The following PTPRK variants were observed in gnomAD, a reference collection of about 807,000 sequenced individuals.
PTPRK encodes the protein protein tyrosine phosphatase receptor type K.
Under a neutral mutation model 178.0 loss-of-function variants are expected in PTPRK, and 75 were observed. The observed-to-expected ratio is 0.42, with a 90% CI of 0.35 to 0.51. The LOEUF (loss-of-function observed/expected upper bound fraction) is 0.51. PTPRK is among the 20% of genes least tolerant of loss of function. PTPRK has a pLI of 0.02. For synonymous variants in PTPRK, 637 were observed against 620.6 expected (o/e 1.03, Z -0.39); for missense variants, 1,441 against 1,797.8 (o/e 0.80, Z 3.59).
At chr6:128,316,605 TCAA>T (rs1293270168) in intron 3 of PTPRK, among the ~76,000 whole-genome samples, 1 of 151,922 alleles carries the variant, frequency 6.6e-6, no homozygotes, top group East Asian at 1.9e-4. Context: ...CATCAATGAA[TCAA>T]CAACAACTAT....
intron 1 of PTPRK, among the ~76,000 whole-genome samples, chr6:128,429,096 T>G (rs544709125): frequency 6.6e-6 from 1 of 152,288 alleles, no homozygotes; most frequent in African/African-American, 2.4e-5. Flanking sequence ...GTTAAGAAAA[T>G]GTAAGGCCTT....
intron 1 of PTPRK, among the ~76,000 whole-genome samples, chr6:128,416,076 G>C (rs1842815161): frequency 6.6e-6 from 1 of 152,018 alleles, no homozygotes; most frequent in African/African-American, 2.4e-5. Context: ...GTCCTAAACA[G>C]GACTACAGAA....
intron 7 of PTPRK, among the ~76,000 whole-genome samples, chr6:128,094,198 C>G (rs1023052610): frequency 2.6e-5 from 4 of 152,072 alleles, no homozygotes; most frequent in Non-Finnish European, 5.9e-5. Flanking sequence ...TGGTAAGAGG[C>G]TGAACTTACC....
Position 127,990,907 on chromosome 6 carries a change from T to C in PTPRK, c.2980-22A>G, listed in dbSNP as rs569187097. The C allele has an allele frequency of 2.2e-6, 3 of 1,380,618 alleles. No individual in the cohort carries two copies. In the East Asian group the frequency reaches 6.9e-5, roughly 32 times the overall value. 85.5% of individuals were successfully genotyped at this position (1,380,618 alleles called of 1,614,324 possible). A position where few individuals can be genotyped will look rare whatever the true frequency, so the allele number is the denominator to read the frequency against. On this transcript the variant is annotated intron_variant, in intron 20 of 29. Coordinates refer to ENST00000368226, the MANE Select transcript of PTPRK (RefSeq NM_002844.4). ...TAACCTAAGTGACAAAAAGAATATATAGACAGACCTGAATATATAATACTA... is the reference window on the plus strand; with the variant it reads ...TAACCTAAGTGACAAAAAGAATATACAGACAGACCTGAATATATAATACTA...
At chr6:128,178,719 T>A in intron 7 of PTPRK, among the ~76,000 whole-genome samples, 1 of 151,240 alleles carries the variant, frequency 6.6e-6, no homozygotes, top group Non-Finnish European at 1.5e-5. Context: ...GTTTTCATGA[T>A]CTCTCTGCTT....
At chr6:128,078,992 C>T (rs923269003) in intron 10 of PTPRK, 74 bp from the exon 11 acceptor site, 16 of 966,450 alleles carry the variant, frequency 1.7e-5, no homozygotes, top group Non-Finnish European at 2.4e-5. Flanking sequence ...AATGAACAGA[C>T]AATCTTAAGT....
At chr6:128,121,438 G>A (rs778887298) in intron 7 of PTPRK, among the ~76,000 whole-genome samples, 14 of 152,068 alleles carry the variant, frequency 9.2e-5, no homozygotes, top group Non-Finnish European at 2.1e-4. Context: ...TTGTGTGTGT[G>A]TGTGTGAGGC....
rs1850925344 is a variant in PTPRK at position 128,473,161 on chromosome 6, CT to C, written c.100+47097del. Among the ~76,000 whole-genome samples the C allele has an allele frequency of 2.6e-5, 4 of 152,026 alleles. No homozygotes were observed. In the South Asian group the frequency reaches 6.2e-4, roughly 24 times the overall value. ...CTTTAATGCAAAACAGTTCTTCAGC[CT>C]TTTTTCTCTTTCATGACACTGCCAT... On this transcript the variant is annotated intron_variant, in intron 1 of 29. Coordinates refer to ENST00000368226, the MANE Select transcript of PTPRK (RefSeq NM_002844.4).
chr6:128,261,388 A>G (rs555042844), intron 3 of PTPRK, among the ~76,000 whole-genome samples: 29 of 152,322 alleles, frequency 1.9e-4, no homozygotes, highest in African/African-American at 7.0e-4. Flanking sequence ...AGCACTTAAG[A>G]TATTTTATTA....
chr6:128,013,751 T>C (rs1779295173), intron 13 of PTPRK, among the ~76,000 whole-genome samples: 2 of 151,506 alleles, frequency 1.3e-5, no homozygotes, highest in South Asian at 2.1e-4. Context: ...AAATATTCTT[T>C]GTCATCACTT....
At chr6:128,413,950 T>G (rs1284428106) in intron 1 of PTPRK, among the ~76,000 whole-genome samples, 1 of 152,116 alleles carries the variant, frequency 6.6e-6, no homozygotes, top group Non-Finnish European at 1.5e-5. Context: ...AGACTAACAG[T>G]AGTTAATAAA....
intron 2 of PTPRK, among the ~76,000 whole-genome samples, chr6:128,384,442 G>T (rs1175581166): frequency 6.6e-6 from 1 of 151,644 alleles, no homozygotes; most frequent in African/African-American, 2.4e-5. Context: ...AATATAATAT[G>T]TAAATCAGGG....
intron 5 of PTPRK, among the ~76,000 whole-genome samples, chr6:128,228,222 A>G (rs1008655395): frequency 2.6e-5 from 4 of 152,226 alleles, no homozygotes; most frequent in African/African-American, 9.6e-5. Flanking sequence ...AAAAAGGGGT[A>G]ATTTTTAATG....
intron 7 of PTPRK, among the ~76,000 whole-genome samples, chr6:128,134,348 G>T (rs1794705045): frequency 6.6e-6 from 1 of 152,070 alleles, no homozygotes; most frequent in Non-Finnish European, 1.5e-5. Context: ...TAAACATCTT[G>T]TTCTACTCTG....
At position 128,468,222 on chromosome 6, in the gene PTPRK, G is replaced by A. The variant is rs146161638; in HGVS notation, c.100+52037C>T. ...GAGGGCAACACTTTAACTGCTGATT[G>A]AGCCACCAGTACAAACGAATTTGGG... On this transcript the variant is annotated intron_variant, in intron 1 of 29. Coordinates refer to ENST00000368226, the MANE Select transcript of PTPRK (RefSeq NM_002844.4). Among the ~76,000 whole-genome samples, 987 of 152,242 alleles carry A rather than the reference G, an allele frequency of 6.5e-3. 12 individuals carry two copies. The highest frequency in any genetic ancestry group is 0.022 in the African/African-American group (934 of 41,542).
chr6:128,283,640 A>G (rs2128303737), intron 3 of PTPRK, among the ~76,000 whole-genome samples: 1 of 152,306 alleles, frequency 6.6e-6, no homozygotes, highest in South Asian at 2.1e-4. Context: ...AGACCGAAAA[A>G]TAATATAAAT....
At chr6:128,329,040 T>C (rs1829930884) in intron 2 of PTPRK, among the ~76,000 whole-genome samples, 1 of 152,178 alleles carries the variant, frequency 6.6e-6, no homozygotes, top group Admixed American at 6.5e-5. Flanking sequence ...TTCAATGTTA[T>C]TGATAAGCAA....
At chr6:128,205,214 G>A (rs1332650028) in intron 6 of PTPRK, among the ~76,000 whole-genome samples, 4 of 152,090 alleles carry the variant, frequency 2.6e-5, no homozygotes, top group Non-Finnish European at 4.4e-5. Flanking sequence ...TGAATAATGA[G>A]AACACATGGA....
At chr6:128,427,379 T>G (rs1377907486) in intron 1 of PTPRK, among the ~76,000 whole-genome samples, 1 of 152,208 alleles carries the variant, frequency 6.6e-6, no homozygotes, top group Non-Finnish European at 1.5e-5. Context: ...CTTGCCTGCC[T>G]TCTATTTAGG....
Sources: gnomAD v4.1 joint callset for allele counts (sites outside exome capture counted in the v4.1 genomes callset) on GRCh38, gnomAD v4.1.1 for gene constraint, MANE v1.5 for transcripts, NCBI Gene and HGNC (gene_info 2026-07-23, HGNC 2026-07-21) for gene names.